Variants in TMPRSS11E observed in about 807,000 individuals in gnomAD.
The protein encoded by TMPRSS11E is transmembrane protease serine 11E.
A neutral mutation model predicts 48.1 loss-of-function variants in TMPRSS11E; 38 were observed. The observed-to-expected ratio is 0.79, with a 90% CI of 0.61 to 1.04. The LOEUF is 1.04. Among genes scored for constraint, TMPRSS11E ranks in the 50% least tolerant of loss-of-function variants. The pLI is 0.00. For missense variants in TMPRSS11E, 530 were observed against 510.8 expected, an observed-to-expected ratio of 1.04 and a Z score of -0.36; for synonymous variants, 158 against 171.9, an observed-to-expected ratio of 0.92 and a Z score of 0.63.
At chr4:68,478,472 T>TTTTTTTA (rs878907082) in intron 8 of TMPRSS11E, among the ~76,000 whole-genome samples, 1 of 144,382 alleles carries the variant, frequency 6.9e-6, no homozygotes, top group African/African-American at 2.6e-5. Context: ...TTTTTTTTTT[T>TTTTTTTA]AAGATGGGGC....
chr4:68,494,639 A>G (rs1729819100), intron 9 of TMPRSS11E, among the ~76,000 whole-genome samples: 1 of 133,126 alleles, frequency 7.5e-6, no homozygotes, highest in Admixed American at 7.6e-5. Flanking sequence ...GATTAATGAG[A>G]CAAATAGAGA....
chr4:68,463,198 T>A (rs1195148147), intron 2 of TMPRSS11E, among the ~76,000 whole-genome samples: 1 of 152,238 alleles, frequency 6.6e-6, no homozygotes, highest in African/African-American at 2.4e-5. Context: ...TTCTGGATAG[T>A]TTAAAAAAAT....
At chr4:68,451,198 G>A (rs1441018812) in intron 1 of TMPRSS11E, among the ~76,000 whole-genome samples, 2 of 151,868 alleles carry the variant, frequency 1.3e-5, no homozygotes, top group Non-Finnish European at 2.9e-5. Flanking sequence ...GGCTCTATCA[G>A]GGTTAGAGTT....
intron 9 of TMPRSS11E, among the ~76,000 whole-genome samples, chr4:68,484,458 C>T (rs1168579683): frequency 1.3e-5 from 2 of 152,124 alleles, no homozygotes; most frequent in African/African-American, 2.4e-5. Flanking sequence ...AGGCATTCAC[C>T]ACCACACATG....
At chr4:68,496,356 T>A (rs1003636969) in intron 9 of TMPRSS11E, among the ~76,000 whole-genome samples, 3 of 151,954 alleles carry the variant, frequency 2.0e-5, no homozygotes, top group African/African-American at 4.8e-5. Context: ...ATGTGTCACA[T>A]AAGTTAAGAG....
rs996405881 is a variant in TMPRSS11E, at chr4:68,471,576, A to T, written c.443A>T (p.Asp148Val). The T allele has an allele frequency of 4.3e-6, 7 of 1,611,164 alleles. No homozygotes were observed. The Admixed American group carries it at 5.0e-5, about 12-fold the overall frequency. ...CTTGTTTTACATGAAAAGCTGCAAG[A>T]TGCTGTAGGACCCCCTAAAGTAGAT... ...VQLVLHEKLQ[D>V]AVGPPKVDPH... is the part of the protein sequence containing the mutation. Residue 148 changes from aspartate (D) to valine (V), a missense_variant, in exon 5 of 10, where the codon GAT becomes GTT. Coordinates refer to ENST00000305363, the MANE Select transcript of TMPRSS11E (RefSeq NM_014058.4).
intron 5 of TMPRSS11E, 86 bp downstream of exon 5, chr4:68,471,709 G>A (rs548213581): frequency 6.8e-6 from 7 of 1,022,388 alleles, no homozygotes; most frequent in African/African-American, 3.3e-5. Context: ...TTTTTTTGAT[G>A]TCCTTTAATT....
At chr4:68,484,226 C>G (rs1186829149) in intron 9 of TMPRSS11E, among the ~76,000 whole-genome samples, 1 of 152,108 alleles carries the variant, frequency 6.6e-6, no homozygotes, top group Non-Finnish European at 1.5e-5. Context: ...TTTCTTTGAG[C>G]AGTATGGCCA....
chr4:68,477,382 G>T lies in TMPRSS11E; in HGVS notation c.721G>T (p.Ala241Ser). 6.2e-7 allele frequency: 1 copy of T among 1,613,452 alleles called. No individual in the cohort carries two copies. The highest frequency in any genetic ancestry group is 1.7e-5 in the Admixed American group (1 of 59,930). The change falls in exon 8 of 10, where the codon GCC becomes TCC. Residue 241 changes from alanine to serine, a missense_variant. Coordinates refer to ENST00000305363, the MANE Select transcript of TMPRSS11E (RefSeq NM_014058.4). ...AHCFTTYKNP[A>S]RWTASFGVTI... ...TTTTCTCCCCAGATATAAGAACCCTGCCAGATGGACTGCTTCCTTTGGAGT... is the reference window on the plus strand; with the variant it reads ...TTTTCTCCCCAGATATAAGAACCCTTCCAGATGGACTGCTTCCTTTGGAGT...
rs564351671 is a variant in TMPRSS11E, at chr4:68,492,372, T to C, written c.1111-4271T>C. On this transcript the variant is annotated intron_variant, in intron 9 of 9. Coordinates refer to ENST00000305363, the MANE Select transcript of TMPRSS11E (RefSeq NM_014058.4). ...AAAATATCTTATTACTCAATGAGCATATTCTTACCTGAGGTTGAAAAATGT... is the reference window on the plus strand; with the variant it reads ...AAAATATCTTATTACTCAATGAGCACATTCTTACCTGAGGTTGAAAAATGT... Among the ~76,000 whole-genome samples the C allele has an allele frequency of 2.0e-5, 3 of 152,364 alleles. No individual in the cohort carries two copies. In the East Asian group the frequency reaches 5.8e-4, roughly 29 times the overall value.
At chr4:68,479,021 G>A in intron 9 of TMPRSS11E, 30 bp downstream of exon 9, 1 of 1,603,964 alleles carries the variant, frequency 6.2e-7, no homozygotes, top group Non-Finnish European at 8.5e-7. Context: ...AGTAGGTTGT[G>A]TAATTTTTTG....
intron 1 of TMPRSS11E, among the ~76,000 whole-genome samples, chr4:68,459,370 C>T (rs1431917622): frequency 4.0e-5 from 6 of 151,258 alleles, no homozygotes; most frequent in Non-Finnish European, 8.8e-5. Flanking sequence ...TTAATTCAAA[C>T]GCCATAATGT....
chr4:68,465,613 G>GT (rs34768803), intron 2 of TMPRSS11E, among the ~76,000 whole-genome samples: 28,018 of 152,050 alleles, frequency 0.18, 2,906 homozygotes, highest in Admixed American at 0.26. Flanking sequence ...AATGAGATAT[G>GT]TGAATGTACT....
intron 9 of TMPRSS11E, among the ~76,000 whole-genome samples, chr4:68,480,751 T>A (rs1282379345): frequency 1.3e-5 from 2 of 152,144 alleles, no homozygotes; most frequent in Non-Finnish European, 2.9e-5. Flanking sequence ...GTTGTTGTTG[T>A]TATATCATGC....
intron 9 of TMPRSS11E, among the ~76,000 whole-genome samples, chr4:68,492,408 CT>C (rs1729752216): frequency 6.6e-6 from 1 of 152,216 alleles, no homozygotes; most frequent in African/African-American, 2.4e-5. Context: ...GATACTGTGC[CT>C]TTTTGTTTCA....
chr4:68,478,765 T>C lies in TMPRSS11E; in HGVS notation c.968-84T>C, dbSNP rs543901713. 2.0e-5 allele frequency: 30 copies of C among 1,494,144 alleles called. No homozygotes were observed. In the South Asian group the frequency reaches 3.4e-4, roughly 17 times the overall value. The allele number at this position is 1,494,144 out of a possible 1,614,324, so 92.6% of individuals were successfully genotyped here. ...TCACCGTGCCTGGCCTGTATCACCA[T>C]CTTATTCCTAATCATGAAACATTTT... On this transcript the variant is annotated intron_variant, in intron 8 of 9. Transcript: ENST00000305363.
At chr4:68,489,465 G>A (rs1729654926) in intron 9 of TMPRSS11E, among the ~76,000 whole-genome samples, 1 of 152,032 alleles carries the variant, frequency 6.6e-6, no homozygotes, top group African/African-American at 2.4e-5. Context: ...TGGGGTAGTG[G>A]CAAGTCCTGC....
chr4:68,495,314 GA>G (rs1729836244), intron 9 of TMPRSS11E, among the ~76,000 whole-genome samples: 1 of 151,538 alleles, frequency 6.6e-6, no homozygotes. Context: ...TTTATTCTCG[GA>G]CTCATTTATT....
At position 68,477,482 on chromosome 4, in the gene TMPRSS11E, A is replaced by G. The variant is rs1303931807; in HGVS notation, c.821A>G (p.His274Arg). The G allele has an allele frequency of 6.2e-7, 1 of 1,614,036 alleles. No individual in the cohort carries two copies. The highest frequency in any genetic ancestry group is 1.3e-5 in the African/African-American group (1 of 75,008). ...CATGAAAAATACAAACACCCATCACATGACTATGATATTTCTCTTGCAGAG... is the reference window on the plus strand; with the variant it reads ...CATGAAAAATACAAACACCCATCACGTGACTATGATATTTCTCTTGCAGAG... ...IVHEKYKHPS[H>R]DYDISLAELS... The change falls in exon 8 of 10, where the codon CAT (histidine) becomes CGT (arginine). Residue 274 changes from histidine to arginine, a missense_variant. Physicochemically the swap from His to Arg is conservative, Grantham distance 29. Transcript: ENST00000305363.
Sources: gnomAD v4.1 joint callset for allele counts (sites outside exome capture counted in the v4.1 genomes callset) on GRCh38, gnomAD v4.1.1 for gene constraint, MANE v1.5 for transcripts, NCBI Gene and HGNC (gene_info 2026-07-23, HGNC 2026-07-21) for gene names.